GDA: variants seen among roughly 807,000 people sequenced by gnomAD.
GDA encodes guanine deaminase.
Under a neutral mutation model 59.6 loss-of-function variants are expected in GDA, and 18 were observed. That is an observed-to-expected ratio of 0.30 (90% CI 0.21 to 0.45). GDA has a LOEUF of 0.45. GDA is among the 20% of genes least tolerant of loss of function. The pLI, the probability that GDA is intolerant of heterozygous loss-of-function variation, is 1.00. For missense variants in GDA, 427 were observed against 552.3 expected (o/e 0.77, Z 2.27); for synonymous variants, 201 against 201.1 (o/e 1.00, Z 0.00).
chr9:72,216,166 G>A (rs755016101), intron 5 of GDA, among the ~76,000 whole-genome samples: 90 of 152,152 alleles, frequency 5.9e-4, no homozygotes, highest in Non-Finnish European at 1.1e-3. Flanking sequence ...TCATAGCTGA[G>A]GGACCCTGTG....
rs1421539203 is a variant in GDA at position 72,239,651 on chromosome 9, G to A, written c.989-1501G>A. Among the ~76,000 whole-genome samples, 3 of 152,252 alleles carry A rather than the reference G, an allele frequency of 2.0e-5. No individual in the cohort carries two copies. The East Asian group carries it at 5.8e-4, about 29-fold the overall frequency. ...TGTTGTTTTAGCAATAAAGAAGGAAGCAGCAGACAGACTATTTCAAAGCTT... is the reference window on the plus strand; with the variant it reads ...TGTTGTTTTAGCAATAAAGAAGGAAACAGCAGACAGACTATTTCAAAGCTT... On this transcript the variant is annotated intron_variant, in intron 10 of 13. Coordinates refer to ENST00000358399, the MANE Select transcript of GDA (RefSeq NM_004293.5).
At chr9:72,232,856 A>G (rs1838514885) in intron 10 of GDA, among the ~76,000 whole-genome samples, 1 of 152,242 alleles carries the variant, frequency 6.6e-6, no homozygotes, top group Admixed American at 6.5e-5. Context: ...AATTACAACT[A>G]TGTCTATCTT....
At chr9:72,138,225 C>G (rs1312036020) in intron 1 of GDA, among the ~76,000 whole-genome samples, 1 of 152,156 alleles carries the variant, frequency 6.6e-6, no homozygotes, top group Non-Finnish European at 1.5e-5. Context: ...CAAGAGACTT[C>G]CCACCACCTC....
At position 72,207,346 on chromosome 9, in the gene GDA, C is replaced by T. The variant is rs572377430; in HGVS notation, c.385-3341C>T. Among the ~76,000 whole-genome samples, 18 of 152,238 alleles carry T rather than the reference C, an allele frequency of 1.2e-4. No individual in the cohort carries two copies. The South Asian group carries it at 3.7e-3, about 32-fold the overall frequency. ...TCTGTTTTCATGTCTCTAAACTTTT[C>T]TTTCACACTACATTCTTAGGAAATG... is the stretch of plus-strand genomic sequence containing the variant. On this transcript the variant is annotated intron_variant, in intron 3 of 13. Coordinates refer to ENST00000358399, the MANE Select transcript of GDA (RefSeq NM_004293.5).
At chr9:72,152,588 CT>C (rs1174472222) in intron 1 of GDA, among the ~76,000 whole-genome samples, 8 of 152,126 alleles carry the variant, frequency 5.3e-5, no homozygotes, top group Non-Finnish European at 1.0e-4. Flanking sequence ...TAAATGTCTT[CT>C]TTTGAGAAGT....
intron 1 of GDA, among the ~76,000 whole-genome samples, chr9:72,169,181 G>A (rs1281353798): frequency 6.6e-6 from 1 of 152,180 alleles, no homozygotes; most frequent in African/African-American, 2.4e-5. Flanking sequence ...TTAGAAGCAG[G>A]TGAAATAGAT....
chr9:72,214,730 TTTTC>T (rs1587678524), intron 5 of GDA: 105 of 341,776 alleles, frequency 3.1e-4, no homozygotes, highest in Middle Eastern at 2.1e-3. Flanking sequence ...TCTTTTTTTT[TTTTC>T]TTTTCTTTTC....
chr9:72,131,414 C>T (rs1022440017), intron 1 of GDA, among the ~76,000 whole-genome samples: 2 of 152,130 alleles, frequency 1.3e-5, no homozygotes, highest in East Asian at 1.9e-4. Context: ...CCAAAGGCAG[C>T]GAACTGAATG....
At chr9:72,146,243 G>A (rs1826628626), upstream of GDA, among the ~76,000 whole-genome samples, 1 of 152,162 alleles carries the variant, frequency 6.6e-6, no homozygotes, top group Non-Finnish European at 1.5e-5. Context: ...CGGATTCATA[G>A]CATATGGGAG....
intron 1 of GDA, among the ~76,000 whole-genome samples, chr9:72,183,713 G>A (rs930260080): frequency 1.3e-5 from 2 of 152,126 alleles, no homozygotes; most frequent in African/African-American, 2.4e-5. Context: ...GCCTCATAGG[G>A]TTCTTGTGAG....
At chr9:72,163,755 G>T (rs1828947277) in intron 1 of GDA, among the ~76,000 whole-genome samples, 1 of 152,198 alleles carries the variant, frequency 6.6e-6, no homozygotes, top group Non-Finnish European at 1.5e-5. Flanking sequence ...GCCTCCCAAA[G>T]TGCTGGGATT....
chr9:72,140,483 T>G (rs553880053), intron 1 of GDA, among the ~76,000 whole-genome samples: 5 of 152,268 alleles, frequency 3.3e-5, no homozygotes, highest in African/African-American at 1.2e-4. Context: ...TGACCATAGA[T>G]TTTTCATTGT....
chr9:72,252,346 A>ACT (rs1242609039), downstream of GDA: 1 of 152,302 alleles, frequency 6.6e-6, no homozygotes, highest in Non-Finnish European at 1.5e-5. Context: ...AGAATAGAAT[A>ACT]CTCAGCTGTG....
Position 72,249,137 on chromosome 9 carries a change from T to C in GDA, c.*795T>C. The stretch of plus-strand genomic sequence containing the variant: ...TTTTGTGTACTTTAAAATCAACTTA[T>C]AACTGTGAGATGTTATTGCTTCCAT... On this transcript the variant is annotated 3_prime_UTR_variant, in exon 14 of 14. Transcript: ENST00000358399. The C allele has an allele frequency of 1.0e-6, 1 of 980,170 alleles. No homozygotes were observed. The allele number at this position is 980,170 out of a possible 1,614,324, so 60.7% of individuals were successfully genotyped here.
intron 1 of GDA, among the ~76,000 whole-genome samples, chr9:72,118,707 C>T (rs1056103192): frequency 6.6e-6 from 1 of 152,124 alleles, no homozygotes; most frequent in Non-Finnish European, 1.5e-5. Flanking sequence ...ACATTTTCAT[C>T]CATCAAACTG....
At chr9:72,204,297 A>C (rs1416897241) in intron 3 of GDA, among the ~76,000 whole-genome samples, 1 of 152,228 alleles carries the variant, frequency 6.6e-6, no homozygotes, top group Non-Finnish European at 1.5e-5. Context: ...CTTTATTCTC[A>C]AAATTTATTT....
chr9:72,117,510 A>T (rs189805801), intron 1 of GDA, among the ~76,000 whole-genome samples: 2 of 152,320 alleles, frequency 1.3e-5, no homozygotes, highest in African/African-American at 4.8e-5. Context: ...TCAGTCAGCC[A>T]TATGCAATAG....
intron 3 of GDA, 97 bp from the exon 4 acceptor site, chr9:72,210,590 A>G: frequency 1.4e-6 from 1 of 702,358 alleles, no homozygotes; most frequent in Non-Finnish European, 2.5e-6. Context: ...AAATAAAAAC[A>G]TTTTAAAATT....
At chr9:72,236,016 A>C (rs10869151) in intron 10 of GDA, among the ~76,000 whole-genome samples, 39,108 of 152,068 alleles carry the variant, frequency 0.26, 5,630 homozygotes, top group East Asian at 0.53. Flanking sequence ...TTATTCCAAA[A>C]ACAACAGCTC....
Sources: gnomAD v4.1 joint callset for allele counts (sites outside exome capture counted in the v4.1 genomes callset) on GRCh38, gnomAD v4.1.1 for gene constraint, MANE v1.5 for transcripts, NCBI Gene and HGNC (gene_info 2026-07-23, HGNC 2026-07-21) for gene names.